Variants in SCAPER observed in about 807,000 individuals in gnomAD.
The protein encoded by SCAPER is S-phase cyclin A associated protein in the ER, also known as S phase cyclin A-associated protein in the endoplasmic reticulum.
SCAPER carries 98 observed loss-of-function variants against 182.2 expected under a neutral mutation model. The ratio of observed to expected loss-of-function variants is 0.54; its 90% CI spans 0.46 to 0.64. SCAPER has a LOEUF of 0.64. Ranked by LOEUF, SCAPER falls within the 30% of genes least tolerant of loss-of-function variation. The probability of loss-of-function intolerance (pLI) is 0.00; values close to 1 mark genes in which losing one functional copy is unlikely to be tolerated. For missense variants in SCAPER, 1,432 were observed against 1,690.0 expected (o/e 0.85, Z 2.68); for synonymous variants, 605 against 564.6 (o/e 1.07, Z -1.01).
intron 2 of SCAPER, among the ~76,000 whole-genome samples, chr15:76,866,998 A>T (rs1161452160): frequency 2.0e-5 from 3 of 152,188 alleles, no homozygotes; most frequent in Non-Finnish European, 2.9e-5. Flanking sequence ...GCCTTCAGTG[A>T]AAGTTTTTAT....
At chr15:76,726,638 T>C (rs757243826) in intron 17 of SCAPER, among the ~76,000 whole-genome samples, 1 of 152,056 alleles carries the variant, frequency 6.6e-6, no homozygotes, top group Admixed American at 6.6e-5. Flanking sequence ...TGTGGTATTA[T>C]ACATACAATG....
intron 22 of SCAPER, among the ~76,000 whole-genome samples, chr15:76,614,342 G>A (rs1392135316): frequency 2.6e-5 from 4 of 151,960 alleles, no homozygotes; most frequent in African/African-American, 7.3e-5. Flanking sequence ...AATCCCCATG[G>A]CACAAGTTTA....
intron 22 of SCAPER, among the ~76,000 whole-genome samples, chr15:76,577,699 A>C (rs1332531888): frequency 6.6e-6 from 1 of 152,160 alleles, no homozygotes; most frequent in Non-Finnish European, 1.5e-5. Flanking sequence ...TAGCAGTGGT[A>C]GCCAGGAAGC....
At chr15:76,533,486 T>G (rs1488136713) in intron 23 of SCAPER, among the ~76,000 whole-genome samples, 2 of 152,016 alleles carry the variant, frequency 1.3e-5, no homozygotes, top group Non-Finnish European at 2.9e-5. Context: ...AGCAATAGAG[T>G]ATACCATATA....
intron 2 of SCAPER, among the ~76,000 whole-genome samples, chr15:76,881,131 T>C (rs986547507): frequency 6.6e-6 from 1 of 152,258 alleles, no homozygotes; most frequent in Non-Finnish European, 1.5e-5. Context: ...AGTCTTGCTC[T>C]GACACAAAGG....
At chr15:76,584,717 C>A (rs1029879505) in intron 22 of SCAPER, among the ~76,000 whole-genome samples, 24 of 151,950 alleles carry the variant, frequency 1.6e-4, no homozygotes, top group African/African-American at 5.6e-4. Flanking sequence ...TTAATTTTTA[C>A]TTATTTATTT....
intron 27 of SCAPER, among the ~76,000 whole-genome samples, chr15:76,389,337 C>T (rs1293478920): frequency 4.6e-5 from 7 of 150,828 alleles, no homozygotes; most frequent in African/African-American, 1.7e-4. Context: ...CCTGTCTCTA[C>T]TAAAAATACG....
intron 17 of SCAPER, among the ~76,000 whole-genome samples, chr15:76,712,907 T>C (rs1037910317): frequency 6.6e-6 from 1 of 152,194 alleles, no homozygotes; most frequent in Non-Finnish European, 1.5e-5. Context: ...GATTTCCTCT[T>C]TTCCTAATTG....
chr15:76,467,653 A>C (rs2049796090), intron 25 of SCAPER, among the ~76,000 whole-genome samples: 1 of 152,170 alleles, frequency 6.6e-6, no homozygotes, highest in Non-Finnish European at 1.5e-5. Flanking sequence ...ATTATGTGCT[A>C]GGTACTCTAC....
chr15:76,730,735 A>G (rs1042742941), intron 16 of SCAPER, among the ~76,000 whole-genome samples: 3 of 152,202 alleles, frequency 2.0e-5, no homozygotes, highest in African/African-American at 7.2e-5. Flanking sequence ...TTTTATTAAT[A>G]TAAGACCAAA....
chr15:76,574,078 T>G (rs994428925), intron 23 of SCAPER, 80 bp downstream of exon 23: 10 of 1,398,422 alleles, frequency 7.2e-6, no homozygotes, highest in Non-Finnish European at 9.5e-6. Flanking sequence ...ATACTGAGTC[T>G]GCCTTATAGC....
At chr15:76,718,194 C>A (rs572271793) in intron 17 of SCAPER, among the ~76,000 whole-genome samples, 1 of 151,746 alleles carries the variant, frequency 6.6e-6, no homozygotes, top group Admixed American at 6.6e-5. Context: ...AAGAAGAAAT[C>A]AAAAAGGAAA....
rs1217809273 is a variant in SCAPER, at chr15:76,755,505, G to A, written c.1726-1557C>T. 3.3e-5 allele frequency among the ~76,000 whole-genome samples: 5 copies of A among 152,094 alleles called. No homozygotes were observed. The East Asian group carries it at 9.6e-4, about 29-fold the overall frequency. On this transcript the variant is annotated intron_variant, in intron 14 of 31. Transcript: ENST00000563290. The stretch of plus-strand genomic sequence containing the variant: ...TTATATTCCTTTCTAATACCAGAAG[G>A]TAACGAAAGAGTTCACCTGTAATTA...
In SCAPER at chr15:76,347,979, T is replaced by G. The variant is rs922354479; in HGVS notation, c.*654A>C. ...GAGAAAATACTCTAGGGTGATTCAC[T>G]AGGACACATCTTTTTTATCACTAAT... is the stretch of plus-strand genomic sequence containing the variant. On this transcript the variant is annotated 3_prime_UTR_variant, in exon 32 of 32. Coordinates refer to ENST00000563290, the MANE Select transcript of SCAPER (RefSeq NM_020843.4). 1 of 152,246 alleles carries G rather than the reference T, an allele frequency of 6.6e-6. No homozygotes were observed. Among genetic ancestry groups the G allele is most frequent in the South Asian group, 2.1e-4 (1 of 4,836 alleles). 9.4% of individuals were successfully genotyped at this position (152,246 alleles called of 1,614,324 possible).
At chr15:76,891,839 T>C (rs1248700662) in intron 1 of SCAPER, among the ~76,000 whole-genome samples, 4 of 152,174 alleles carry the variant, frequency 2.6e-5, no homozygotes, top group East Asian at 1.9e-4. Context: ...ATTTGGTTCA[T>C]ATGGAACCAA....
intron 15 of SCAPER, among the ~76,000 whole-genome samples, chr15:76,737,970 TCTATC>T (rs2061358598): frequency 6.6e-6 from 1 of 152,330 alleles, no homozygotes; most frequent in African/African-American, 2.4e-5. Context: ...GGTTTGATCT[TCTATC>T]CAGACCACTC....
At chr15:76,471,098 C>CTTTTT in intron 25 of SCAPER, 114 bp downstream of exon 25, 1 of 515,510 alleles carries the variant, frequency 1.9e-6, no homozygotes, top group Non-Finnish European at 2.8e-6. Flanking sequence ...TCTTCTTCTT[C>CTTTTT]TTTTTTTTTT....
chr15:76,765,462 G>GA lies in SCAPER; in HGVS notation c.1496-9dup, dbSNP rs767358995. 10 of 1,611,548 alleles carry GA rather than the reference G, an allele frequency of 6.2e-6. No homozygotes were observed. The highest frequency in any genetic ancestry group is 6.8e-6 in the Non-Finnish European group (8 of 1,178,810). On this transcript the variant is annotated splice_polypyrimidine_tract_variant and intron_variant, in intron 12 of 31. Coordinates refer to ENST00000563290, the MANE Select transcript of SCAPER (RefSeq NM_020843.4). ...GGCGCCAAGACTCACGAGCTGTTCA[G>GA]AAAAAAATACTATTATTGTTTAGCC...
At chr15:76,467,829 T>C (rs1223984948) in intron 25 of SCAPER, among the ~76,000 whole-genome samples, 7 of 152,138 alleles carry the variant, frequency 4.6e-5, no homozygotes, top group African/African-American at 1.7e-4. Flanking sequence ...ATCTGGACAA[T>C]GCTTTGGAAA....
Sources: allele counts gnomAD v4.1 joint callset (sites outside exome capture counted in the v4.1 genomes callset), GRCh38; gene constraint gnomAD v4.1.1; transcripts MANE v1.5; gene names NCBI Gene and HGNC (gene_info 2026-07-23, HGNC 2026-07-21).